KLHL1: variants seen among roughly 807,000 people sequenced by gnomAD.
KLHL1 encodes the protein kelch like family member 1.
Under a neutral mutation model 77.7 loss-of-function variants are expected in KLHL1, and 47 were observed. The ratio of observed to expected loss-of-function variants is 0.60; its 90% CI spans 0.48 to 0.77. The LOEUF (loss-of-function observed/expected upper bound fraction) is 0.77, where lower values mean the gene tolerates loss of function less well. Among genes scored for constraint, KLHL1 ranks in the 30% least tolerant of loss-of-function variants. KLHL1 has a pLI of 0.00. For missense variants in KLHL1, 925 were observed against 910.8 expected (o/e 1.02, Z -0.20); for synonymous variants, 360 against 325.2 (o/e 1.11, Z -1.15).
intron 1 of KLHL1, among the ~76,000 whole-genome samples, chr13:70,008,965 A>G (rs576344383): frequency 4.1e-4 from 63 of 152,162 alleles, no homozygotes; most frequent in Non-Finnish European, 4.1e-4. Flanking sequence ...TATATTTGTC[A>G]TTAAATTTGT....
At chr13:69,980,594 T>A (rs1363487076) in intron 1 of KLHL1, among the ~76,000 whole-genome samples, 2 of 152,186 alleles carry the variant, frequency 1.3e-5, no homozygotes, top group Non-Finnish European at 2.9e-5. Context: ...CACACTGATA[T>A]TCCCATGGCT....
chr13:69,890,017 T>C (rs1470613455), intron 4 of KLHL1, among the ~76,000 whole-genome samples: 9 of 152,068 alleles, frequency 5.9e-5, no homozygotes. Context: ...TCTTTCTCTA[T>C]GCCTAGTATA....
intron 6 of KLHL1, among the ~76,000 whole-genome samples, chr13:69,813,211 A>T (rs1877963720): frequency 6.6e-6 from 1 of 152,054 alleles, no homozygotes; most frequent in Non-Finnish European, 1.5e-5. Context: ...ATTCTCAGCA[A>T]ACTATCGCAA....
intron 1 of KLHL1, among the ~76,000 whole-genome samples, chr13:70,083,886 A>G (rs1264176407): frequency 1.3e-5 from 2 of 152,116 alleles, no homozygotes; most frequent in African/African-American, 4.8e-5. Context: ...AATTAATATA[A>G]TATTAATCAA....
At position 69,872,124 on chromosome 13, in the gene KLHL1, G is replaced by C. The variant is rs1880609554; in HGVS notation, c.1227+10159C>G. 2.6e-5 allele frequency among the ~76,000 whole-genome samples: 4 copies of C among 152,082 alleles called. No individual in the cohort carries two copies. In the South Asian group the frequency reaches 8.3e-4, roughly 31 times the overall value. Reference sequence around the variant, plus strand: ...TACAGCTCTGAAGTCTGCACAAAAAGCATGGCACCTACACCTGCCTCTGGT... The same window carrying C: ...TACAGCTCTGAAGTCTGCACAAAAACCATGGCACCTACACCTGCCTCTGGT... On this transcript the variant is annotated intron_variant, in intron 5 of 10. Transcript: ENST00000377844.
chr13:69,750,896 C>T (rs963721990), intron 7 of KLHL1, among the ~76,000 whole-genome samples: 1 of 152,002 alleles, frequency 6.6e-6, no homozygotes, highest in African/African-American at 2.4e-5. Flanking sequence ...AAAAATACAT[C>T]TGGAATATGG....
chr13:70,047,621 A>G (rs1015243014), intron 1 of KLHL1, among the ~76,000 whole-genome samples: 1 of 152,136 alleles, frequency 6.6e-6, no homozygotes, highest in Admixed American at 6.6e-5. Context: ...CAGTATTTTC[A>G]TTGTCACATT....
intron 1 of KLHL1, among the ~76,000 whole-genome samples, chr13:70,057,799 A>AG (rs887851968): frequency 2.7e-5 from 4 of 149,674 alleles, no homozygotes; most frequent in African/African-American, 9.7e-5. Context: ...AAAAAAAAAA[A>AG]AAAAAAGAAA....
At position 70,107,602 on chromosome 13, in the gene KLHL1, G is replaced by A. The variant is rs1293680418; in HGVS notation, c.98C>T (p.Ala33Val). Residue 33 changes from alanine (A) to valine (V), a missense_variant, in exon 1 of 11, where the codon GCG becomes GTG. Coordinates refer to ENST00000377844, the MANE Select transcript of KLHL1 (RefSeq NM_020866.3). ...SHPSPSTGGP[A>V]GGGCLQQDGS... ...GTCCTGTTGCAGGCAGCCTCCCCCC[G>A]CCGGGCCGCCGGTGGAAGGAGACGG... is the stretch of plus-strand genomic sequence containing the variant. 7 of 1,593,424 alleles carry A rather than the reference G, an allele frequency of 4.4e-6. No individual in the cohort carries two copies. The highest frequency in any genetic ancestry group is 1.7e-4 in the Middle Eastern group (1 of 5,884).
At chr13:69,703,461 T>A (rs1031284238) in intron 10 of KLHL1, among the ~76,000 whole-genome samples, 1 of 149,124 alleles carries the variant, frequency 6.7e-6, no homozygotes, top group African/African-American at 2.5e-5. Context: ...AAAAAAAAAA[T>A]TACAGTAAGC....
chr13:69,836,423 T>C (rs1566307422), intron 6 of KLHL1, among the ~76,000 whole-genome samples: 1 of 152,068 alleles, frequency 6.6e-6, no homozygotes, highest in Admixed American at 6.6e-5. Flanking sequence ...TTGTAAGGCA[T>C]AGATTTATCT....
chr13:70,100,255 AT>A (rs1352525286), intron 1 of KLHL1, among the ~76,000 whole-genome samples: 2 of 151,738 alleles, frequency 1.3e-5, no homozygotes, highest in African/African-American at 4.8e-5. Context: ...ATCTTTTCTC[AT>A]TTTTATTATT....
intron 6 of KLHL1, among the ~76,000 whole-genome samples, chr13:69,834,102 A>G (rs56020679): frequency 0.075 from 11,384 of 151,792 alleles, 766 homozygotes; most frequent in African/African-American, 0.18. Flanking sequence ...GAAAGAGTGG[A>G]GGTTGAGGGA....
At chr13:69,985,852 A>G (rs1426319968) in intron 1 of KLHL1, among the ~76,000 whole-genome samples, 1 of 116,870 alleles carries the variant, frequency 8.6e-6, no homozygotes, top group Non-Finnish European at 1.9e-5. Flanking sequence ...GTATAGATAT[A>G]TATATACATA....
intron 1 of KLHL1, among the ~76,000 whole-genome samples, chr13:70,088,267 C>T (rs1887592817): frequency 6.6e-6 from 1 of 152,088 alleles, no homozygotes; most frequent in African/African-American, 2.4e-5. Flanking sequence ...GGAGAAGTTT[C>T]TTTACCTCCA....
intron 1 of KLHL1, among the ~76,000 whole-genome samples, chr13:69,997,130 A>C (rs982421051): frequency 1.1e-4 from 16 of 151,602 alleles, no homozygotes; most frequent in Non-Finnish European, 1.6e-4. Context: ...TTGAGGCATG[A>C]GAATCACTTG....
rs1350656259 is a variant in KLHL1, at chr13:69,701,364, C to G, written c.*338G>C. 1.0e-5 allele frequency: 2 copies of G among 199,510 alleles called. No individual in the cohort carries two copies. Among genetic ancestry groups the G allele is most frequent in the Non-Finnish European group, 2.0e-5 (2 of 99,646 alleles). The allele number at this position is 199,510 out of a possible 1,614,324, so 12.4% of individuals were successfully genotyped here. A position where few individuals can be genotyped will look rare whatever the true frequency, so the allele number is the denominator to read the frequency against. Reference sequence around the variant, plus strand: ...GATTGAATGAGTTGTGGTCATGAAACTATCCATGTCACAAATATTGGTCTC... The same window carrying G: ...GATTGAATGAGTTGTGGTCATGAAAGTATCCATGTCACAAATATTGGTCTC... On this transcript the variant is annotated 3_prime_UTR_variant, in exon 11 of 11. Transcript: ENST00000377844.
At chr13:70,065,955 A>T (rs1593715513) in intron 1 of KLHL1, among the ~76,000 whole-genome samples, 1 of 152,286 alleles carries the variant, frequency 6.6e-6, no homozygotes, top group East Asian at 1.9e-4. Flanking sequence ...AGTGAGCTAA[A>T]TTTTGCATTC....
rs536186765 is a variant in KLHL1, at chr13:69,808,089, C to G, written c.1415-11127G>C. 5.9e-5 allele frequency among the ~76,000 whole-genome samples: 9 copies of G among 152,154 alleles called. No homozygotes were observed. In the South Asian group the frequency reaches 1.9e-3, roughly 32 times the overall value. Reference sequence around the variant, plus strand: ...ATAACACCAGCTACTGAAGGCAACACCACTGAAGCCCAGGAATGGATATGG... The same window carrying G: ...ATAACACCAGCTACTGAAGGCAACAGCACTGAAGCCCAGGAATGGATATGG... On this transcript the variant is annotated intron_variant, in intron 6 of 10. Transcript: ENST00000377844.
Sources: allele counts gnomAD v4.1 joint callset (sites outside exome capture counted in the v4.1 genomes callset), GRCh38; gene constraint gnomAD v4.1.1; transcripts MANE v1.5; gene names NCBI Gene and HGNC (gene_info 2026-07-23, HGNC 2026-07-21).